Variants in ADAMTS19 observed in about 807,000 individuals in gnomAD.
ADAMTS19 encodes the protein A disintegrin and metalloproteinase with thrombospondin motifs 19.
Under a neutral mutation model 153.3 loss-of-function variants are expected in ADAMTS19, and 93 were observed. That is an observed-to-expected ratio of 0.61 (90% CI 0.51 to 0.72). ADAMTS19 has a LOEUF of 0.72. Among genes scored for constraint, ADAMTS19 ranks in the 30% least tolerant of loss-of-function variants. The pLI, the probability that ADAMTS19 is intolerant of heterozygous loss-of-function variation, is 0.00. For synonymous variants in ADAMTS19, 600 were observed against 556.6 expected, an observed-to-expected ratio of 1.08 and a Z score of -1.10; for missense variants, 1,482 against 1,552.1, an observed-to-expected ratio of 0.95 and a Z score of 0.76.
At chr5:129,702,941 A>AATATATATATATATAT (rs59614056) in intron 20 of ADAMTS19, among the ~76,000 whole-genome samples, 58 of 29,172 alleles carry the variant, frequency 2.0e-3, no homozygotes, top group African/African-American at 3.9e-3. Context: ...AAAAAAAAAA[A>AATATATATATATATAT]ATATATATAT....
At chr5:129,733,871 C>T (rs1054187020) in intron 21 of ADAMTS19, among the ~76,000 whole-genome samples, 1 of 151,806 alleles carries the variant, frequency 6.6e-6, no homozygotes, top group African/African-American at 2.4e-5. Context: ...TATCACAGCA[C>T]TATTCATATT....
intron 2 of ADAMTS19, among the ~76,000 whole-genome samples, chr5:129,494,309 G>A (rs1750860044): frequency 6.6e-6 from 1 of 152,126 alleles, no homozygotes; most frequent in Admixed American, 6.6e-5. Flanking sequence ...AGTAACACTG[G>A]AAGTAGCTGA....
chr5:129,675,424 G>C (rs1464152508), intron 16 of ADAMTS19, among the ~76,000 whole-genome samples: 1 of 151,984 alleles, frequency 6.6e-6, no homozygotes, highest in Admixed American at 6.6e-5. Flanking sequence ...GTTATGGTCT[G>C]TTCATTTTTT....
intron 8 of ADAMTS19, among the ~76,000 whole-genome samples, chr5:129,618,133 C>A (rs1318658685): frequency 1.3e-5 from 2 of 152,056 alleles, no homozygotes; most frequent in Non-Finnish European, 2.9e-5. Flanking sequence ...GATTAAATCA[C>A]TTTCTACCTT....
At chr5:129,724,304 G>T (rs1196413971) in intron 21 of ADAMTS19, among the ~76,000 whole-genome samples, 3 of 152,094 alleles carry the variant, frequency 2.0e-5, no homozygotes, top group Admixed American at 1.3e-4. Context: ...TATTCTTATT[G>T]CTACAAAGAG....
rs769909828 is a variant in ADAMTS19, at chr5:129,679,761, T to C, written c.2507-3T>C. 3 of 1,606,810 alleles carry C rather than the reference T, an allele frequency of 1.9e-6. No homozygotes were observed. The Admixed American group carries it at 5.1e-5, about 27-fold the overall frequency. On this transcript the variant is annotated splice_region_variant and splice_polypyrimidine_tract_variant and intron_variant, in intron 16 of 22. Coordinates refer to ENST00000274487, the MANE Select transcript of ADAMTS19 (RefSeq NM_133638.6). ...CTCATTATATTTTTGAACCTCTTTA[T>C]AGCTCTCCGAGATGCTGGCAAACAG...
chr5:129,551,266 A>C (rs552803836), intron 6 of ADAMTS19, among the ~76,000 whole-genome samples: 65 of 151,826 alleles, frequency 4.3e-4, no homozygotes, highest in African/African-American at 1.6e-3. Flanking sequence ...TGAATAATTG[A>C]TAACAACAGT....
intron 10 of ADAMTS19, among the ~76,000 whole-genome samples, chr5:129,628,831 G>A (rs1420078457): frequency 6.6e-6 from 1 of 152,034 alleles, no homozygotes; most frequent in Non-Finnish European, 1.5e-5. Flanking sequence ...CAGGTTTGTA[G>A]CTTAGAAACA....
At chr5:129,502,426 ACT>A (rs1751135758) in intron 2 of ADAMTS19, among the ~76,000 whole-genome samples, 2 of 152,030 alleles carry the variant, frequency 1.3e-5, no homozygotes, top group South Asian at 4.2e-4. Context: ...ATTCACATTA[ACT>A]CTCTGTATAA....
chr5:129,481,212 G>T (rs116439566), intron 2 of ADAMTS19, among the ~76,000 whole-genome samples: 2,852 of 152,250 alleles, frequency 0.019, 42 homozygotes, highest in Non-Finnish European at 0.03. Flanking sequence ...GGTGAAGGGG[G>T]AACAGGCACC....
Position 129,701,517 on chromosome 5 carries a change from G to A in ADAMTS19, c.3084G>A (p.Gly1028=). Residue 1028 remains glycine (G), a synonymous_variant, in exon 20 of 23, where the codon GGG becomes GGA. Transcript: ENST00000274487. The part of the protein sequence containing the change: ...LIRARERDCI[G]PKPASAQRCE... ...GAGCCCGAGAGAGGGACTGCATTGG[G>A]CCCAAGCCCGCCTCTGCCCAGCGCT... 2.5e-6 allele frequency: 4 copies of A among 1,614,156 alleles called. No individual in the cohort carries two copies. Among genetic ancestry groups the A allele is most frequent in the Non-Finnish European group, 3.4e-6 (4 of 1,180,018 alleles).
intron 2 of ADAMTS19, among the ~76,000 whole-genome samples, chr5:129,473,187 A>G (rs966940533): frequency 9.3e-6 from 1 of 107,116 alleles, no homozygotes; most frequent in Non-Finnish European, 2.1e-5. Flanking sequence ...TCATTAAAAT[A>G]AACAGTAAAA....
At chr5:129,566,724 T>A (rs1355387295) in intron 7 of ADAMTS19, among the ~76,000 whole-genome samples, 1 of 152,104 alleles carries the variant, frequency 6.6e-6, no homozygotes, top group African/African-American at 2.4e-5. Flanking sequence ...AATGTCTACA[T>A]TCTCTTCTGC....
At chr5:129,649,044 G>A in intron 13 of ADAMTS19, 74 bp downstream of exon 13, 1 of 1,360,176 alleles carries the variant, frequency 7.4e-7, no homozygotes, top group Admixed American at 2.1e-5. Flanking sequence ...ACAATAGTCA[G>A]ATTATTTTAC....
rs1440022192 is a variant in ADAMTS19 at position 129,701,497 on chromosome 5, C to G, written c.3064C>G (p.Arg1022Gly). Residue 1022 changes from arginine to glycine, a missense_variant, in exon 20 of 23, where the codon CGA becomes GGA. Around this residue, in one of 2 missense-constraint regions of ADAMTS19, gnomAD observed 616 missense variants for 724.4 expected, o/e 0.85. Transcript: ENST00000274487. ...GAGCAATGGAACACTGATTAGAGCC[C>G]GAGAGAGGGACTGCATTGGGCCCAA... The part of the protein sequence containing the change: ...QLSNGTLIRA[R>G]ERDCIGPKPA... The G allele has an allele frequency of 1.5e-5, 25 of 1,614,030 alleles. No homozygotes were observed. Among genetic ancestry groups the G allele is most frequent in the Non-Finnish European group, 2.0e-5 (24 of 1,180,038 alleles).
intron 7 of ADAMTS19, among the ~76,000 whole-genome samples, chr5:129,578,903 C>T (rs557355594): frequency 4.1e-4 from 62 of 152,196 alleles, no homozygotes; most frequent in Middle Eastern, 3.4e-3. Flanking sequence ...AATATACATA[C>T]GTGTGCATGT....
chr5:129,649,083 T>A, intron 13 of ADAMTS19, 113 bp downstream of exon 13: 2 of 1,060,056 alleles, frequency 1.9e-6, no homozygotes, highest in Non-Finnish European at 2.7e-6. Context: ...TTCTGAACTT[T>A]AATTTTTTCT....
chr5:129,643,290 A>G (rs1232569064), intron 11 of ADAMTS19, among the ~76,000 whole-genome samples: 3 of 148,514 alleles, frequency 2.0e-5, no homozygotes, highest in African/African-American at 7.5e-5. Flanking sequence ...TGAGCCTGGA[A>G]GGCAGAGGTT....
intron 2 of ADAMTS19, among the ~76,000 whole-genome samples, chr5:129,491,778 T>C (rs1750778468): frequency 6.6e-6 from 1 of 152,196 alleles, no homozygotes. Flanking sequence ...TACTATTCTC[T>C]TTTAATACTT....
Sources: gnomAD v4.1 joint callset for allele counts (sites outside exome capture counted in the v4.1 genomes callset) on GRCh38, gnomAD v4.1.1 for gene constraint, gnomAD v4.1.1 regional missense constraint, MANE v1.5 for transcripts, NCBI Gene and HGNC (gene_info 2026-07-23, HGNC 2026-07-21) for gene names.